The following CFAP20DC variants were observed in gnomAD, a reference collection of about 807,000 sequenced individuals.
CFAP20DC encodes the protein CFAP20 domain containing.
A neutral mutation model predicts 101.7 loss-of-function variants in CFAP20DC; 84 were observed. The observed-to-expected ratio is 0.83, with a 90% CI of 0.69 to 0.99. CFAP20DC has a LOEUF of 0.99. CFAP20DC is among the 50% of genes least tolerant of loss of function. The probability of loss-of-function intolerance (pLI) is 0.00; values close to 1 mark genes in which losing one functional copy is unlikely to be tolerated. For synonymous variants in CFAP20DC, 359 were observed against 351.2 expected (o/e 1.02, Z -0.25); for missense variants, 1,007 against 970.3 (o/e 1.04, Z -0.50).
At chr3:58,759,384 TG>T (rs1275024355) in intron 15 of CFAP20DC, among the ~76,000 whole-genome samples, 4 of 152,310 alleles carry the variant, frequency 2.6e-5, no homozygotes, top group Non-Finnish European at 5.9e-5. Context: ...TTGATGGGGT[TG>T]TTTTTTTCTT....
rs1296045531 is a variant in CFAP20DC, at chr3:58,874,807, T to A, written c.716-4498A>T. Among the ~76,000 whole-genome samples the A allele has an allele frequency of 6.6e-6, 1 of 152,210 alleles. No homozygotes were observed. Among genetic ancestry groups the A allele is most frequent in the Non-Finnish European group, 1.5e-5 (1 of 68,034 alleles). On this transcript the variant is annotated intron_variant, in intron 7 of 16. Coordinates refer to ENST00000482387, the MANE Select transcript of CFAP20DC (RefSeq NM_001394063.1). The surrounding 1 kb of genome is among the most constrained non-coding windows in gnomAD (Gnocchi z 5.1). ...TCCATGGGATTCTCTAATTAATGTG[T>A]GCTTCAGTAGACATAAACTCAGTGG...
downstream of CFAP20DC, among the ~76,000 whole-genome samples, chr3:58,739,506 T>A (rs1317231902): frequency 6.6e-6 from 1 of 152,240 alleles, no homozygotes; most frequent in East Asian, 1.9e-4. Flanking sequence ...AAATGAAAAC[T>A]AATAATACAG....
chr3:58,937,278 C>T (rs2087833644), intron 5 of CFAP20DC, among the ~76,000 whole-genome samples: 1 of 152,184 alleles, frequency 6.6e-6, no homozygotes, highest in South Asian at 2.1e-4. Flanking sequence ...TGCTGGAATG[C>T]CTGGCTTCCT....
chr3:58,901,386 CTTA>C (rs928282055), intron 6 of CFAP20DC, among the ~76,000 whole-genome samples: 1 of 152,176 alleles, frequency 6.6e-6, no homozygotes, highest in Non-Finnish European at 1.5e-5. Flanking sequence ...GGCTCCACCA[CTTA>C]TTAGCTGTGT....
rs1157444881 is a variant in CFAP20DC at position 59,007,976 on chromosome 3, G to T, written c.278+31581C>A. On this transcript the variant is annotated intron_variant, in intron 4 of 16. Coordinates refer to ENST00000482387, the MANE Select transcript of CFAP20DC (RefSeq NM_001394063.1). This position sits in a 1 kb window ranked among gnomAD's most constrained non-coding sequence, Gnocchi z 4.4. The stretch of plus-strand genomic sequence containing the variant: ...TCTGCACCTATATCCCAACAGACAG[G>T]CAGCCTCTGTGATCATGAAAGGCAT... 6.6e-6 allele frequency among the ~76,000 whole-genome samples: 1 copy of T among 152,182 alleles called. No individual in the cohort carries two copies. The highest frequency in any genetic ancestry group is 1.5e-5 in the Non-Finnish European group (1 of 68,032).
intron 4 of CFAP20DC, among the ~76,000 whole-genome samples, chr3:58,966,095 G>A (rs2091499027): frequency 6.6e-6 from 1 of 152,188 alleles, no homozygotes; most frequent in Non-Finnish European, 1.5e-5. Flanking sequence ...GGCTGGCAAG[G>A]CCGGGGCTCC....
rs1001607494 is a variant in CFAP20DC at position 58,874,195 on chromosome 3, G to C, written c.716-3886C>G. On this transcript the variant is annotated intron_variant, in intron 7 of 16. Coordinates refer to ENST00000482387, the MANE Select transcript of CFAP20DC (RefSeq NM_001394063.1). This position sits in a 1 kb window ranked among gnomAD's most constrained non-coding sequence, Gnocchi z 5.1. ...GACCACAATCCATCTGGTTTGAAAA[G>C]TCAGAATCTAGGTGTCATGCTTGAC... 6.6e-6 allele frequency among the ~76,000 whole-genome samples: 1 copy of C among 152,204 alleles called. No homozygotes were observed. Among genetic ancestry groups the C allele is most frequent in the Non-Finnish European group, 1.5e-5 (1 of 68,038 alleles).
intron 12 of CFAP20DC, among the ~76,000 whole-genome samples, chr3:58,852,604 T>C (rs2078351954): frequency 6.6e-6 from 1 of 150,940 alleles, no homozygotes; most frequent in Admixed American, 6.6e-5. Context: ...CCTCAGCAAA[T>C]GTAAAAGAAC....
chr3:58,768,911 T>C (rs578103417), intron 15 of CFAP20DC, among the ~76,000 whole-genome samples: 1 of 152,272 alleles, frequency 6.6e-6, no homozygotes, highest in Admixed American at 6.5e-5. Flanking sequence ...TCCCAGTCAA[T>C]ATCCCAGCAG....
At chr3:58,952,546 T>G (rs1211518659) in intron 4 of CFAP20DC, among the ~76,000 whole-genome samples, 1 of 152,184 alleles carries the variant, frequency 6.6e-6, no homozygotes, top group Non-Finnish European at 1.5e-5. Flanking sequence ...CCTTTAATTT[T>G]CTATTAACTA....
chr3:59,016,890 C>T (rs550775085), intron 4 of CFAP20DC, among the ~76,000 whole-genome samples: 1 of 152,166 alleles, frequency 6.6e-6, no homozygotes, highest in African/African-American at 2.4e-5. Context: ...TTCTTAAGAT[C>T]TTATTAGTTA....
At chr3:59,030,809 T>G (rs189233974) in intron 4 of CFAP20DC, among the ~76,000 whole-genome samples, 34 of 152,250 alleles carry the variant, frequency 2.2e-4, no homozygotes, top group Non-Finnish European at 3.2e-4. Context: ...CTTTAAGTTT[T>G]TTTTTGTTTT....
chr3:59,046,974 T>C (rs570834045), intron 2 of CFAP20DC, among the ~76,000 whole-genome samples, 191 bp downstream of exon 2: 1 of 152,212 alleles, frequency 6.6e-6, no homozygotes, highest in Non-Finnish European at 1.5e-5. Flanking sequence ...AGAAGGGTTA[T>C]GACCTGTGTG....
At chr3:59,046,357 G>T in intron 2 of CFAP20DC, 35 bp from the exon 3 acceptor site, 1 of 1,299,338 alleles carries the variant, frequency 7.7e-7, no homozygotes, top group South Asian at 1.4e-5. Context: ...GTTATCACAG[G>T]ATATTTTATT....
At chr3:58,765,639 A>G (rs1426750824) in intron 15 of CFAP20DC, among the ~76,000 whole-genome samples, 1 of 152,176 alleles carries the variant, frequency 6.6e-6, no homozygotes, top group Non-Finnish European at 1.5e-5. Flanking sequence ...TCAGAAATCT[A>G]AAACATGGCA....
chr3:58,751,846 C>T (rs1016600352), intron 16 of CFAP20DC, among the ~76,000 whole-genome samples: 1 of 146,300 alleles, frequency 6.8e-6, no homozygotes, highest in Non-Finnish European at 1.5e-5. Flanking sequence ...CTGTAACACA[C>T]ACACACACAC....
intron 15 of CFAP20DC, among the ~76,000 whole-genome samples, chr3:58,793,947 TAC>T (rs1163603249): frequency 6.6e-6 from 1 of 152,224 alleles, no homozygotes; most frequent in Non-Finnish European, 1.5e-5. Flanking sequence ...TGCAACAGAT[TAC>T]AGTTGCTTTT....
chr3:58,781,698 A>C (rs976848387), intron 15 of CFAP20DC, among the ~76,000 whole-genome samples: 1 of 152,076 alleles, frequency 6.6e-6, no homozygotes, highest in African/African-American at 2.4e-5. Context: ...AAATGGATAA[A>C]TTCCTAAACA....
chr3:58,946,267 C>T (rs943352662), intron 4 of CFAP20DC, among the ~76,000 whole-genome samples: 4 of 151,826 alleles, frequency 2.6e-5, no homozygotes, highest in Admixed American at 6.6e-5. Flanking sequence ...CAGGCATGTG[C>T]CACCATGCCC....
Sources: allele counts gnomAD v4.1 joint callset (sites outside exome capture counted in the v4.1 genomes callset), GRCh38; gene constraint gnomAD v4.1.1; non-coding constraint Gnocchi (gnomAD v3.1); transcripts MANE v1.5; gene names NCBI Gene and HGNC (gene_info 2026-07-23, HGNC 2026-07-21).